Variants in TENM2 observed in about 807,000 individuals in gnomAD.
TENM2 encodes teneurin-2.
TENM2 carries 52 observed loss-of-function variants against 245.2 expected under a neutral mutation model. That is an observed-to-expected ratio of 0.21 (90% CI 0.17 to 0.27). The LOEUF (loss-of-function observed/expected upper bound fraction) is 0.27. Among genes scored for constraint, TENM2 ranks in the 10% least tolerant of loss-of-function variants. The pLI is 1.00. For missense variants in TENM2, 3,046 were observed against 3,666.8 expected, an observed-to-expected ratio of 0.83 and a Z score of 4.37; for synonymous variants, 1,363 against 1,438.9, an observed-to-expected ratio of 0.95 and a Z score of 1.19.
intron 23 of TENM2, among the ~76,000 whole-genome samples, chr5:168,223,980 C>T (rs546722579): frequency 2.6e-5 from 4 of 152,088 alleles, no homozygotes; most frequent in Non-Finnish European, 2.9e-5. Context: ...CCACTCAACA[C>T]GTGTAGATTT....
intron 2 of TENM2, among the ~76,000 whole-genome samples, chr5:167,642,440 C>A (rs1455041592): frequency 6.6e-6 from 1 of 152,164 alleles, no homozygotes; most frequent in Non-Finnish European, 1.5e-5. Flanking sequence ...TCTTAAGTAG[C>A]TATCCCAAAG....
chr5:167,779,341 C>T (rs1321463775), intron 2 of TENM2, among the ~76,000 whole-genome samples: 1 of 152,274 alleles, frequency 6.6e-6, no homozygotes, highest in African/African-American at 2.4e-5. Flanking sequence ...GCGACTGCAA[C>T]CAAGAAGCAA....
intron 2 of TENM2, among the ~76,000 whole-genome samples, chr5:167,705,887 A>T (rs1313613891): frequency 6.7e-6 from 1 of 150,252 alleles, no homozygotes; most frequent in Non-Finnish European, 1.5e-5. Flanking sequence ...TATCTGGCTT[A>T]TTTCAGTTAG....
intron 2 of TENM2, among the ~76,000 whole-genome samples, chr5:167,430,552 A>T (rs1764154346): frequency 6.6e-6 from 1 of 152,086 alleles, no homozygotes; most frequent in Non-Finnish European, 1.5e-5. Flanking sequence ...GCTGTCTGTT[A>T]ATTTTAGCTA....
the TENM2 span, among the ~76,000 whole-genome samples, chr5:167,214,466 G>A: frequency 6.6e-6 from 1 of 152,030 alleles, no homozygotes; most frequent in Non-Finnish European, 1.5e-5. Flanking sequence ...TGCATTTTTT[G>A]GTAATTCAGA....
At chr5:167,744,371 C>T (rs886561265) in intron 2 of TENM2, among the ~76,000 whole-genome samples, 2 of 152,110 alleles carry the variant, frequency 1.3e-5, no homozygotes, top group Non-Finnish European at 2.9e-5. Context: ...AGGAACAGTG[C>T]CTCTCTGGCC....
chr5:167,975,931 G>A (rs1409240758), intron 4 of TENM2, among the ~76,000 whole-genome samples: 4 of 151,890 alleles, frequency 2.6e-5, no homozygotes, highest in Non-Finnish European at 5.9e-5. Flanking sequence ...AAAAGGAGTG[G>A]CAGCTTTCTT....
At chr5:167,993,957 G>A (rs1360713189) in intron 5 of TENM2, among the ~76,000 whole-genome samples, 1 of 152,242 alleles carries the variant, frequency 6.6e-6, no homozygotes, top group Non-Finnish European at 1.5e-5. Context: ...AGTGGCAGAT[G>A]CTGAGCGCCC....
At chr5:167,150,033 C>T in the TENM2 span, among the ~76,000 whole-genome samples, 8 of 152,080 alleles carry the variant, frequency 5.3e-5, no homozygotes, top group African/African-American at 1.9e-4. Flanking sequence ...AGAGAAAACT[C>T]TTTAATGACT....
At chr5:167,581,596 A>G (rs1775097636) in intron 2 of TENM2, among the ~76,000 whole-genome samples, 1 of 152,210 alleles carries the variant, frequency 6.6e-6, no homozygotes, top group Non-Finnish European at 1.5e-5. Flanking sequence ...ACATACATGT[A>G]TGTACACACA....
chr5:167,623,952 A>G (rs1778339974), intron 2 of TENM2, among the ~76,000 whole-genome samples: 1 of 152,140 alleles, frequency 6.6e-6, no homozygotes, highest in Admixed American at 6.5e-5. Context: ...AGAAAAGAGA[A>G]CTCTTATACG....
At chr5:167,539,810 TC>T (rs578222591) in intron 2 of TENM2, among the ~76,000 whole-genome samples, 15 of 152,326 alleles carry the variant, frequency 9.8e-5, no homozygotes, top group South Asian at 4.1e-4. Context: ...TATCATGTGA[TC>T]TTATTAATAT....
the TENM2 span, among the ~76,000 whole-genome samples, chr5:167,196,516 G>GTA: frequency 7.1e-5 from 10 of 141,556 alleles, no homozygotes; most frequent in East Asian, 3.9e-4. Context: ...ATATGTGTGT[G>GTA]TATATATATA....
chr5:167,251,584 G>T, the TENM2 span, among the ~76,000 whole-genome samples: 2 of 152,184 alleles, frequency 1.3e-5, no homozygotes, highest in Admixed American at 1.3e-4. Flanking sequence ...AAACCAATTT[G>T]GGCACACTCA....
rs572302861 is a variant in TENM2 at position 167,589,445 on chromosome 5, G to T, written c.502+213972G>T. On this transcript the variant is annotated intron_variant, in intron 2 of 28. Coordinates refer to ENST00000518659, the Ensembl canonical transcript of TENM2. ...GAATTCAAATATAAGTGTGAACTGT[G>T]TAGAGCACACAGGAATGCTGAGTGC... is the stretch of plus-strand genomic sequence containing the variant. Among the ~76,000 whole-genome samples, 18 of 152,232 alleles carry T rather than the reference G, an allele frequency of 1.2e-4. No individual in the cohort carries two copies. In the South Asian group the frequency reaches 3.5e-3, roughly 30 times the overall value.
At chr5:167,276,793 A>T in the TENM2 span, among the ~76,000 whole-genome samples, 1 of 152,010 alleles carries the variant, frequency 6.6e-6, no homozygotes, top group African/African-American at 2.4e-5. Flanking sequence ...TTTTATTTGT[A>T]TGATTTTTTA....
At chr5:167,753,062 C>G (rs1312705494) in intron 2 of TENM2, among the ~76,000 whole-genome samples, 3 of 152,124 alleles carry the variant, frequency 2.0e-5, no homozygotes, top group African/African-American at 7.2e-5. Flanking sequence ...AATGGCATAT[C>G]TGGACTTAGA....
intron 13 of TENM2, among the ~76,000 whole-genome samples, chr5:168,187,963 T>C (rs897434137): frequency 5.3e-5 from 8 of 152,140 alleles, no homozygotes; most frequent in African/African-American, 1.7e-4. Flanking sequence ...TTCTAGGAAA[T>C]TGTGTAAATC....
intron 2 of TENM2, among the ~76,000 whole-genome samples, chr5:167,439,351 G>T (rs6887290): frequency 0.56 from 85,574 of 152,022 alleles, 24,587 homozygotes; most frequent in East Asian, 0.8. Flanking sequence ...TACATGAATG[G>T]CGGGTTGCTT....
Sources: allele counts gnomAD v4.1 joint callset (sites outside exome capture counted in the v4.1 genomes callset), GRCh38; gene constraint gnomAD v4.1.1; transcripts MANE v1.5; gene names NCBI Gene and HGNC (gene_info 2026-07-23, HGNC 2026-07-21).